B4GALT5: variants seen among roughly 807,000 people sequenced by gnomAD.
B4GALT5 encodes UDP-Gal:beta-GlcNAc beta-1,4-galactosyltransferase 5.
A neutral mutation model predicts 45.0 loss-of-function variants in B4GALT5; 11 were observed. The observed-to-expected ratio is 0.24, with a 90% CI of 0.15 to 0.40. The LOEUF is 0.40. Among genes scored for constraint, B4GALT5 ranks in the 10% least tolerant of loss-of-function variants. The pLI, the probability that B4GALT5 is intolerant of heterozygous loss-of-function variation, is 1.00. For missense variants in B4GALT5, 337 were observed against 500.2 expected (o/e 0.67, Z 3.11); for synonymous variants, 185 against 182.9 (o/e 1.01, Z -0.09).
Position 49,656,691 on chromosome 20 carries a change from G to A in B4GALT5, c.127C>T (p.Leu43Phe), listed in dbSNP as rs771254513. Residue 43 changes from leucine (L) to phenylalanine (F), a missense_variant, in exon 2 of 9, where the codon CTC (leucine) becomes TTC (phenylalanine). Physicochemically the swap from Leu to Phe is conservative, Grantham distance 22. Coordinates refer to ENST00000371711, the MANE Select transcript of B4GALT5 (RefSeq NM_004776.4). ...YVAPGIVNTY[L>F]FMMQAQGILI... is the part of the protein sequence containing the mutation. ...ATGCCTTGGGCTTGCATCATGAAGA[G>A]GTAGGTGTTCACTGCAGAAAGCAAA... 2.5e-6 allele frequency: 4 copies of A among 1,613,928 alleles called. No individual in the cohort carries two copies. The highest frequency in any genetic ancestry group is 2.7e-5 in the African/African-American group (2 of 74,870).
Position 49,642,617 on chromosome 20 carries a change from A to G in B4GALT5, c.490-33T>C, listed in dbSNP as rs1171603191. On this transcript the variant is annotated intron_variant, in intron 4 of 8. Transcript: ENST00000371711. ...GGATTACAGCAAAAGAAGCACAGTT[A>G]GGACTCTCAGCTTTCACTCCTTAGC... 2.7e-6 allele frequency: 4 copies of G among 1,493,650 alleles called. No individual in the cohort carries two copies. The East Asian group carries it at 9.0e-5, about 34-fold the overall frequency. The allele number at this position is 1,493,650 out of a possible 1,614,324, so 92.5% of individuals were successfully genotyped here.
intron 1 of B4GALT5, among the ~76,000 whole-genome samples, chr20:49,712,701 G>C (rs1269179126): frequency 6.6e-6 from 1 of 152,036 alleles, no homozygotes; most frequent in East Asian, 1.9e-4. Flanking sequence ...CTCAAGGCTA[G>C]GAGAGGGCAG....
In B4GALT5 at chr20:49,636,384, G is replaced by A. The variant is rs2085554089; in HGVS notation, c.1095C>T (p.Ile365=). 6.2e-7 allele frequency: 1 copy of A among 1,614,052 alleles called. No individual in the cohort carries two copies. Among genetic ancestry groups the A allele is most frequent in the Admixed American group, 1.7e-5 (1 of 59,998 alleles). ...GLNNLNYFAN[I]TYDALYKNIT... ...TGTTTTTATACAAGGCGTCGTATGT[G>A]ATGTTTGCAAAGTAGTTCAGGTTGT... Residue 365 remains isoleucine (I), a synonymous_variant, in exon 9 of 9, where the codon ATC becomes ATT. Transcript: ENST00000371711.
At chr20:49,687,547 G>C (rs748537193) in intron 1 of B4GALT5, among the ~76,000 whole-genome samples, 1 of 152,144 alleles carries the variant, frequency 6.6e-6, no homozygotes, top group Admixed American at 6.5e-5. Context: ...GGGAGGCTGA[G>C]GCAGGAGAAT....
At chr20:49,639,222 A>C (rs1297789168) in intron 7 of B4GALT5, among the ~76,000 whole-genome samples, 1 of 152,248 alleles carries the variant, frequency 6.6e-6, no homozygotes, top group East Asian at 1.9e-4. Flanking sequence ...TTGCTAAATT[A>C]TAATTTGTTG....
At position 49,639,692 on chromosome 20, in the gene B4GALT5, G is replaced by A. The variant is rs776613218; in HGVS notation, c.903C>T (p.Asp301=). 1.6e-5 allele frequency: 26 copies of A among 1,613,260 alleles called. 1 individual carries two copies. The Admixed American group carries it at 2.8e-4, about 18-fold the overall frequency. Residue 301 remains aspartate, a synonymous_variant, in exon 7 of 9, where the codon GAC becomes GAT. Transcript: ENST00000371711. Reference sequence around the variant, plus strand: ...GGCAGAGGTACCTGTTCCAGAGGTCGTCATCTTCTCCACCCCAACCCCAGA... The same window carrying A: ...GGCAGAGGTACCTGTTCCAGAGGTCATCATCTTCTCCACCCCAACCCCAGA... ...NAFWGWGGED[D]DLWNRVQNAG... is the part of the protein sequence containing the mutation.
intron 1 of B4GALT5, among the ~76,000 whole-genome samples, chr20:49,666,651 C>G (rs2085691959): frequency 6.6e-6 from 1 of 152,156 alleles, no homozygotes; most frequent in Non-Finnish European, 1.5e-5. Flanking sequence ...AGTGCTCTCT[C>G]CTTCCCCCAT....
At chr20:49,640,115 C>G (rs1159089015) in intron 6 of B4GALT5, among the ~76,000 whole-genome samples, 1 of 152,140 alleles carries the variant, frequency 6.6e-6, no homozygotes, top group African/African-American at 2.4e-5. Context: ...AAGCCTTGCA[C>G]CCATTAGCAA....
At chr20:49,679,273 T>C (rs1359205848) in intron 1 of B4GALT5, among the ~76,000 whole-genome samples, 2 of 152,224 alleles carry the variant, frequency 1.3e-5, no homozygotes, top group East Asian at 3.8e-4. Context: ...TGTTTCGTTG[T>C]TGTTGTTTCG....
At chr20:49,682,246 T>G (rs568996012) in intron 1 of B4GALT5, among the ~76,000 whole-genome samples, 25 of 152,384 alleles carry the variant, frequency 1.6e-4, no homozygotes, top group African/African-American at 5.0e-4. Flanking sequence ...AATAAAGCAC[T>G]GCTGGACACC....
intron 7 of B4GALT5, among the ~76,000 whole-genome samples, chr20:49,638,896 G>A (rs571498858): frequency 6.3e-4 from 96 of 152,072 alleles, no homozygotes; most frequent in Non-Finnish European, 1.1e-3. Context: ...CTATATAACC[G>A]AATTAAATGG....
intron 1 of B4GALT5, among the ~76,000 whole-genome samples, chr20:49,684,148 A>G (rs1003594859): frequency 1.3e-5 from 2 of 152,068 alleles, no homozygotes; most frequent in African/African-American, 4.8e-5. Context: ...CTCAAAAAAA[A>G]AAGAGCAAAG....
At chr20:49,663,982 G>T (rs1041316684) in intron 1 of B4GALT5, among the ~76,000 whole-genome samples, 1 of 151,888 alleles carries the variant, frequency 6.6e-6, no homozygotes, top group South Asian at 2.1e-4. Context: ...TGTTGAAGAG[G>T]ATAGTCAAAA....
chr20:49,667,077 T>C (rs953550829), intron 1 of B4GALT5, among the ~76,000 whole-genome samples: 2 of 152,194 alleles, frequency 1.3e-5, no homozygotes, highest in Non-Finnish European at 1.5e-5. Context: ...AATCTGACCA[T>C]GTGGAGCCAA....
At chr20:49,640,812 A>G in intron 5 of B4GALT5, 147 bp from the exon 6 acceptor site, 1 of 811,346 alleles carries the variant, frequency 1.2e-6, no homozygotes, top group Non-Finnish European at 1.9e-6. Context: ...ATCAACTCAC[A>G]GTGTGGCTCA....
chr20:49,676,217 T>A (rs1042950357), intron 1 of B4GALT5, among the ~76,000 whole-genome samples: 1 of 151,882 alleles, frequency 6.6e-6, no homozygotes, highest in African/African-American at 2.4e-5. Context: ...GTGTGTGTGT[T>A]ACAGGAAAGC....
chr20:49,656,744 C>A, intron 1 of B4GALT5, 42 bp from the exon 2 acceptor site: 2 of 1,610,916 alleles, frequency 1.2e-6, no homozygotes, highest in Admixed American at 1.7e-5. Flanking sequence ...GATTCAGAAG[C>A]AATCATTTAA....
chr20:49,708,352 TTGAGG>T (rs2085893806), intron 1 of B4GALT5, among the ~76,000 whole-genome samples: 2 of 152,252 alleles, frequency 1.3e-5, no homozygotes, highest in Admixed American at 1.3e-4. Context: ...ACTAGCTTTA[TTGAGG>T]TATGATTTCT....
intron 1 of B4GALT5, among the ~76,000 whole-genome samples, chr20:49,693,668 C>T (rs1376250922): frequency 6.6e-6 from 1 of 152,220 alleles, no homozygotes; most frequent in Non-Finnish European, 1.5e-5. Flanking sequence ...AAGAAACAAG[C>T]TTACTTTCGC....
Sources: allele counts gnomAD v4.1 joint callset (sites outside exome capture counted in the v4.1 genomes callset), GRCh38; gene constraint gnomAD v4.1.1; transcripts MANE v1.5; gene names NCBI Gene and HGNC (gene_info 2026-07-23, HGNC 2026-07-21).